PPP2R5D: variants seen among roughly 807,000 people sequenced by gnomAD.
The protein encoded by PPP2R5D is protein phosphatase 2 regulatory subunit B'delta, also known as serine/threonine-protein phosphatase 2A 56 kDa regulatory subunit delta isoform.
A neutral mutation model predicts 79.1 loss-of-function variants in PPP2R5D; 12 were observed. The ratio of observed to expected loss-of-function variants is 0.15; its 90% CI spans 0.10 to 0.25. The LOEUF (loss-of-function observed/expected upper bound fraction) is 0.25, where lower values mean the gene tolerates loss of function less well. PPP2R5D is among the 10% of genes least tolerant of loss of function. PPP2R5D has a pLI of 1.00. For synonymous variants in PPP2R5D, 277 were observed against 286.6 expected (o/e 0.97, Z 0.34); for missense variants, 419 against 760.2 (o/e 0.55, Z 5.28).
Position 43,009,758 on chromosome 6 carries a change from G to C in PPP2R5D, c.1379+309G>C, listed in dbSNP as rs946763092. On this transcript the variant is annotated intron_variant, in intron 12 of 15. Coordinates refer to ENST00000485511, the MANE Select transcript of PPP2R5D (RefSeq NM_006245.4). The surrounding 1 kb of genome is among the most constrained non-coding windows in gnomAD (Gnocchi z 5.6). ...GAAGCTGATGTGACCTTCTTTGAGA[G>C]TATGTGTAAAGAATCCCAGGGTTTT... is the stretch of plus-strand genomic sequence containing the variant. 2.0e-5 allele frequency among the ~76,000 whole-genome samples: 3 copies of C among 152,172 alleles called. No individual in the cohort carries two copies. The highest frequency in any genetic ancestry group is 4.4e-5 in the Non-Finnish European group (3 of 68,034).
At chr6:42,987,063 A>G (rs192226986) in intron 1 of PPP2R5D, among the ~76,000 whole-genome samples, 1 of 152,224 alleles carries the variant, frequency 6.6e-6, no homozygotes, top group East Asian at 1.9e-4. Flanking sequence ...TCTCCTGGCC[A>G]TCTTTCACAG....
chr6:42,986,345 C>A (rs995858657), intron 1 of PPP2R5D, among the ~76,000 whole-genome samples: 1 of 152,070 alleles, frequency 6.6e-6, no homozygotes, highest in Non-Finnish European at 1.5e-5. Context: ...TGCTCGATGA[C>A]CCCAGAGGTA....
rs1762352162 is a variant in PPP2R5D, at chr6:43,011,569, A to G, written c.*283A>G. The G allele has an allele frequency of 2.0e-6, 1 of 499,654 alleles. No individual in the cohort carries two copies. The highest frequency in any genetic ancestry group is 3.6e-6 in the Non-Finnish European group (1 of 275,568). 31.0% of individuals were successfully genotyped at this position (499,654 alleles called of 1,614,324 possible). On this transcript the variant is annotated 3_prime_UTR_variant, in exon 16 of 16. Coordinates refer to ENST00000485511, the MANE Select transcript of PPP2R5D (RefSeq NM_006245.4). ...TGTCCCCTACCTGCTCCTCACCCAC[A>G]GCTACCTGAGGCTGCTCTGAGAAGT...
intron 2 of PPP2R5D, among the ~76,000 whole-genome samples, chr6:43,002,471 C>G (rs897803557): frequency 6.6e-6 from 1 of 152,078 alleles, no homozygotes; most frequent in African/African-American, 2.4e-5. Flanking sequence ...CCTAGTTGTT[C>G]TTAAGGCAGG....
In PPP2R5D at chr6:43,009,166, G is replaced by A; in HGVS notation, c.1190G>A (p.Ser397Asn). ...GACGTCATTGAACCTTCTGAGTTCAGCAAAGTGATGGAACCCCTCTTCCGC... is the reference window on the plus strand; with the variant it reads ...GACGTCATTGAACCTTCTGAGTTCAACAAAGTGATGGAACCCCTCTTCCGC... The part of the protein sequence containing the change: ...ILDVIEPSEF[S>N]KVMEPLFRQL... The change falls in exon 11 of 16, where the codon AGC (serine) becomes AAC (asparagine). Residue 397 changes from serine (S) to asparagine (N), a missense_variant. Transcript: ENST00000485511. This position sits in a 1 kb window ranked among gnomAD's most constrained non-coding sequence, Gnocchi z 5.6. 1 of 1,614,128 alleles carries A rather than the reference G, an allele frequency of 6.2e-7. No homozygotes were observed. Among genetic ancestry groups the A allele is most frequent in the Non-Finnish European group, 8.5e-7 (1 of 1,180,018 alleles).
intron 1 of PPP2R5D, among the ~76,000 whole-genome samples, chr6:42,988,444 A>G (rs1771013004): frequency 1.3e-5 from 2 of 152,212 alleles, no homozygotes; most frequent in Admixed American, 6.5e-5. Flanking sequence ...TTGGAGCTTC[A>G]GGTGGCTTGC....
Position 43,011,250 on chromosome 6 carries a change from G to A in PPP2R5D, c.1773G>A (p.Ala591=), listed in dbSNP as rs146155532. Residue 591 remains alanine (A), a synonymous_variant, in exon 16 of 16, where the codon GCG becomes GCA. Coordinates refer to ENST00000485511, the MANE Select transcript of PPP2R5D (RefSeq NM_006245.4). ...AGGCACTGGAGGCGCACAAGCGGGC[G>A]GAAGAGTTCCTAACTGCCAGCCAGG... The part of the protein sequence containing the change: ...TIKALEAHKR[A]EEFLTASQEA... 4.8e-5 allele frequency: 77 copies of A among 1,614,070 alleles called. No individual in the cohort carries two copies. The African/African-American group carries it at 6.3e-4, about 13-fold the overall frequency.
At position 43,006,693 on chromosome 6, in the gene PPP2R5D, G is replaced by T. The variant is rs778684740; in HGVS notation, c.322+14G>T. 2 of 1,611,064 alleles carry T rather than the reference G, an allele frequency of 1.2e-6. No homozygotes were observed. Among genetic ancestry groups the T allele is most frequent in the Non-Finnish European group, 1.7e-6 (2 of 1,177,974 alleles). ...CTGCCCTGAAAGGTACTTGGCAATT[G>T]GTCACAGGGGCTGTTTTACCAGTTC... On this transcript the variant is annotated intron_variant, in intron 3 of 15. Transcript: ENST00000485511. The surrounding 1 kb of genome is among the most constrained non-coding windows in gnomAD (Gnocchi z 4.7).
intron 1 of PPP2R5D, among the ~76,000 whole-genome samples, chr6:42,985,653 G>T (rs73434518): frequency 0.069 from 10,404 of 150,902 alleles, 458 homozygotes; most frequent in African/African-American, 0.12. Flanking sequence ...CCTTTCCTAA[G>T]CTACACCATC....
At chr6:42,986,968 G>GC (rs34542350) in intron 1 of PPP2R5D, among the ~76,000 whole-genome samples, 4,853 of 152,192 alleles carry the variant, frequency 0.032, 258 homozygotes, top group African/African-American at 0.11. Flanking sequence ...GCTCTAAGGG[G>GC]CAGGGGGGTT....
chr6:42,998,829 G>A (rs1014316318), intron 2 of PPP2R5D, among the ~76,000 whole-genome samples: 1 of 152,166 alleles, frequency 6.6e-6, no homozygotes, highest in Admixed American at 6.5e-5. Context: ...GAGGTCAGGA[G>A]TTCGAGACCA....
In PPP2R5D at chr6:43,011,700, G is replaced by T; in HGVS notation, c.*414G>T. On this transcript the variant is annotated 3_prime_UTR_variant, in exon 16 of 16. Coordinates refer to ENST00000485511, the MANE Select transcript of PPP2R5D (RefSeq NM_006245.4). ...CTGCAGAGGCATGTAGGGAACAGCA[G>T]GAGATTATTCTCACCAAAGTTATGT... 5.1e-6 allele frequency: 1 copy of T among 194,810 alleles called. No individual in the cohort carries two copies. Among genetic ancestry groups the T allele is most frequent in the Non-Finnish European group, 1.1e-5 (1 of 93,776 alleles). 12.1% of individuals were successfully genotyped at this position (194,810 alleles called of 1,614,324 possible). A position where few individuals can be genotyped will look rare whatever the true frequency, so the allele number is the denominator to read the frequency against.
intron 2 of PPP2R5D, among the ~76,000 whole-genome samples, chr6:42,996,476 A>T (rs528316426): frequency 2.6e-5 from 4 of 152,098 alleles, no homozygotes; most frequent in African/African-American, 9.6e-5. Flanking sequence ...AAATAAAAAA[A>T]AATAAAAAAA....
At chr6:42,998,038 T>TATATATATATATATATAC (rs1771869648) in intron 2 of PPP2R5D, among the ~76,000 whole-genome samples, 1 of 31,288 alleles carries the variant, frequency 3.2e-5, no homozygotes, top group African/African-American at 8.1e-5. Flanking sequence ...TATATATATA[T>TATATATATATATATATAC]ATATATATAT....
rs572320524 is a variant in PPP2R5D, at chr6:43,008,994, A to G, written c.1081-63A>G. The G allele has an allele frequency of 2.6e-6, 4 of 1,567,022 alleles. No individual in the cohort carries two copies. The highest frequency in any genetic ancestry group is 2.7e-5 in the African/African-American group (2 of 73,896). ...GGGTGGGGGAGAGAGCAGGTAGGAA[A>G]ACTTCCTGGTGACCTAGGCAGGTGC... On this transcript the variant is annotated intron_variant, in intron 10 of 15. Transcript: ENST00000485511. This position sits in a 1 kb window ranked among gnomAD's most constrained non-coding sequence, Gnocchi z 4.2.
Position 43,012,254 on chromosome 6 carries a change from T to C in PPP2R5D, c.*968T>C, listed in dbSNP as rs1320367869. 7.7e-7 allele frequency: 1 copy of C among 1,303,388 alleles called. No individual in the cohort carries two copies. Among genetic ancestry groups the C allele is most frequent in the Non-Finnish European group, 9.8e-7 (1 of 1,025,020 alleles). The allele number at this position is 1,303,388 out of a possible 1,614,324, so 80.7% of individuals were successfully genotyped here. On this transcript the variant is annotated 3_prime_UTR_variant, in exon 16 of 16. Transcript: ENST00000485511. ...TTGGCTGTGTACATAGGGTGCTTTA[T>C]TCTCCACAGAGTGATACATGCTAAG... is the stretch of plus-strand genomic sequence containing the variant.
chr6:43,011,052 G>A, intron 15 of PPP2R5D, 55 bp downstream of exon 15: 1 of 1,609,054 alleles, frequency 6.2e-7, no homozygotes, highest in African/African-American at 1.3e-5. Context: ...GAAGGGAGAG[G>A]AGACAGAAAC....
Position 42,984,599 on chromosome 6 carries a change from C to G in PPP2R5D, c.-79C>G, listed in dbSNP as rs1244039298. 3 of 1,508,550 alleles carry G rather than the reference C, an allele frequency of 2.0e-6. No homozygotes were observed. The highest frequency in any genetic ancestry group is 1.8e-6 in the Non-Finnish European group (2 of 1,129,668). The allele number at this position is 1,508,550 out of a possible 1,614,324, so 93.4% of individuals were successfully genotyped here. ...CGCGCAGGCGGTGGCGAAGAGACGCCGAGCGGGCCGAGTGCGGCCGAGCAA... is the reference window on the plus strand; with the variant it reads ...CGCGCAGGCGGTGGCGAAGAGACGCGGAGCGGGCCGAGTGCGGCCGAGCAA... On this transcript the variant is annotated 5_prime_UTR_variant, in exon 1 of 16. Transcript: ENST00000485511.
chr6:43,003,283 A>G (rs1437462198), intron 2 of PPP2R5D, among the ~76,000 whole-genome samples: 1 of 152,074 alleles, frequency 6.6e-6, no homozygotes, highest in Non-Finnish European at 1.5e-5. Context: ...AGTAGCTGGC[A>G]TGGTGGCGGG....
Sources: allele counts gnomAD v4.1 joint callset (sites outside exome capture counted in the v4.1 genomes callset), GRCh38; gene constraint gnomAD v4.1.1; non-coding constraint Gnocchi (gnomAD v3.1); transcripts MANE v1.5; gene names NCBI Gene and HGNC (gene_info 2026-07-23, HGNC 2026-07-21).